Variants in PCCB observed in about 807,000 individuals in gnomAD.
PCCB encodes propionyl-CoA carboxylase subunit beta.
A neutral mutation model predicts 60.7 loss-of-function variants in PCCB; 43 were observed. The observed-to-expected ratio is 0.71, with a 90% CI of 0.55 to 0.91. PCCB has a LOEUF of 0.91. Ranked by LOEUF, PCCB falls within the 40% of genes least tolerant of loss-of-function variation. PCCB has a pLI of 0.00. For missense variants in PCCB, 766 were observed against 702.8 expected (o/e 1.09, Z -1.02); for synonymous variants, 276 against 255.9 (o/e 1.08, Z -0.75).
intron 5 of PCCB, among the ~76,000 whole-genome samples, chr3:136,281,173 C>G (rs2108177695): frequency 6.6e-6 from 1 of 151,936 alleles, no homozygotes; most frequent in African/African-American, 2.4e-5. Context: ...TGTCTTTCAT[C>G]AAATGTGGGA....
At chr3:136,265,258 A>G (rs973796870) in intron 5 of PCCB, among the ~76,000 whole-genome samples, 2 of 152,242 alleles carry the variant, frequency 1.3e-5, no homozygotes, top group African/African-American at 4.8e-5. Context: ...TTGTGAAAAT[A>G]TAATTCAGTA....
chr3:136,293,151 G>A (rs1933775060), intron 6 of PCCB, among the ~76,000 whole-genome samples: 1 of 152,116 alleles, frequency 6.6e-6, no homozygotes, highest in Non-Finnish European at 1.5e-5. Context: ...ACAGGCACAT[G>A]CCACCAGGCC....
At chr3:136,301,301 C>T (rs1362064181) in intron 9 of PCCB, among the ~76,000 whole-genome samples, 190 bp downstream of exon 9, 2 of 152,036 alleles carry the variant, frequency 1.3e-5, no homozygotes, top group Non-Finnish European at 2.9e-5. Flanking sequence ...CTATAGATAC[C>T]CTAGTGGCAC....
chr3:136,279,719 G>A (rs2108175432), intron 5 of PCCB, among the ~76,000 whole-genome samples: 1 of 152,172 alleles, frequency 6.6e-6, no homozygotes, highest in African/African-American at 2.4e-5. Flanking sequence ...CCAGGCTGGA[G>A]TGCAGTGGCG....
intron 9 of PCCB, among the ~76,000 whole-genome samples, chr3:136,312,316 C>A (rs185472450): frequency 6.6e-6 from 1 of 152,186 alleles, no homozygotes; most frequent in Non-Finnish European, 1.5e-5. Context: ...ACCTGTATAG[C>A]ACGTTACTGT....
intron 9 of PCCB, among the ~76,000 whole-genome samples, chr3:136,308,178 T>G (rs2108215665): frequency 6.6e-6 from 1 of 151,814 alleles, no homozygotes; most frequent in East Asian, 1.9e-4. Flanking sequence ...CAGCAGTATT[T>G]GTGACACTAA....
At position 136,329,967 on chromosome 3, in the gene PCCB, G is replaced by A; in HGVS notation, c.1561G>A (p.Val521Ile). ...TRARICCDLD[V>I]LASKKVQRPW... ...TGCCCGAATCTGCTGTGACCTGGAT[G>A]TCTTGGCCAGCAAGAAGGTACAACG... Residue 521 changes from valine (V) to isoleucine (I), a missense_variant, in exon 15 of 15, where the codon GTC becomes ATC. By Grantham distance (29) the Val-to-Ile change is conservative. Coordinates refer to ENST00000251654, the MANE Select transcript of PCCB (RefSeq NM_000532.5). 1 of 1,614,140 alleles carries A rather than the reference G, an allele frequency of 6.2e-7. No individual in the cohort carries two copies. Among genetic ancestry groups the A allele is most frequent in the South Asian group, 1.1e-5 (1 of 91,086 alleles).
chr3:136,326,674 T>C lies in PCCB; in HGVS notation c.1091-129T>C, dbSNP rs1396299626. ...GGAGTTTGAGGGGTCCTTGTTACCA[T>C]TCTGCAACAAAGAAGTGTTGGTGCC... On this transcript the variant is annotated intron_variant, in intron 10 of 14. Transcript: ENST00000251654. The C allele has an allele frequency of 5.2e-6, 4 of 762,972 alleles. No homozygotes were observed. The Admixed American group carries it at 5.4e-5, about 10-fold the overall frequency. 47.3% of individuals were successfully genotyped at this position (762,972 alleles called of 1,614,324 possible).
Position 136,305,039 on chromosome 3 carries a change from C to T in PCCB, c.966+3928C>T, listed in dbSNP as rs1038092522. ...TTCCAGTCCTAACAGATTAGGGTCCCCCTCTTATGGCCCCGTTTAACTTTA... is the reference window on the plus strand; with the variant it reads ...TTCCAGTCCTAACAGATTAGGGTCCTCCTCTTATGGCCCCGTTTAACTTTA... On this transcript the variant is annotated intron_variant, in intron 9 of 14. Transcript: ENST00000251654. Among the ~76,000 whole-genome samples, 13 of 121,114 alleles carry T rather than the reference C, an allele frequency of 1.1e-4. 1 individual carries two copies. Among genetic ancestry groups the T allele is most frequent in the African/African-American group, 3.3e-4 (13 of 39,882 alleles). 79.5% of individuals were successfully genotyped at this position (121,114 alleles called of 152,430 possible). A position where few individuals can be genotyped will look rare whatever the true frequency, so the allele number is the denominator to read the frequency against.
At position 136,327,714 on chromosome 3, in the gene PCCB, T is replaced by C; in HGVS notation, c.1380T>C (p.Ile460=). The C allele has an allele frequency of 6.2e-7, 1 of 1,613,728 alleles. No homozygotes were observed. The highest frequency in any genetic ancestry group is 8.5e-7 in the Non-Finnish European group (1 of 1,179,816). ...ACTATGCCTGGCCCACCGCAGAGAT[T>C]GCAGTCATGGGAGCAAAGGTGAGGG... ...DTNYAWPTAE[I]AVMGAKGAVE... Residue 460 remains isoleucine (I), a synonymous_variant, in exon 13 of 15, where the codon ATT becomes ATC. Transcript: ENST00000251654.
At chr3:136,283,128 C>G (rs1165129437) in intron 5 of PCCB, among the ~76,000 whole-genome samples, 1 of 152,202 alleles carries the variant, frequency 6.6e-6, no homozygotes, top group Non-Finnish European at 1.5e-5. Flanking sequence ...AGTGAACCTA[C>G]TTTTCCTAAG....
intron 10 of PCCB, among the ~76,000 whole-genome samples, chr3:136,320,644 A>G (rs1935076862): frequency 6.6e-6 from 1 of 152,128 alleles, no homozygotes; most frequent in African/African-American, 2.4e-5. Flanking sequence ...GACATGGGGT[A>G]TTTTCACCTT....
chr3:136,329,237 G>C (rs572032052), intron 14 of PCCB, among the ~76,000 whole-genome samples: 1 of 152,122 alleles, frequency 6.6e-6, no homozygotes, highest in Non-Finnish European at 1.5e-5. Flanking sequence ...TCTTGCCTGG[G>C]ATCACCCACA....
chr3:136,274,812 C>T (rs1344697943), intron 5 of PCCB, among the ~76,000 whole-genome samples: 1 of 151,288 alleles, frequency 6.6e-6, no homozygotes, highest in African/African-American at 2.4e-5. Context: ...AAGCTTTGTT[C>T]ATTTCTTCTT....
In PCCB at chr3:136,328,775, C is replaced by T. The variant is rs761827760; in HGVS notation, c.1416C>T (p.Ile472=). 1.9e-6 allele frequency: 3 copies of T among 1,614,032 alleles called. No homozygotes were observed. Among genetic ancestry groups the T allele is most frequent in the Admixed American group, 1.7e-5 (1 of 60,030 alleles). Residue 472 remains isoleucine, a synonymous_variant, in exon 14 of 15, where the codon ATC becomes ATT. Coordinates refer to ENST00000251654, the MANE Select transcript of PCCB (RefSeq NM_000532.5). ...VMGAKGAVEI[I]FKGHENVEAA... ...AATCACAGGGCGCTGTGGAGATCAT[C>T]TTCAAAGGGCATGAGAATGTGGAAG...
chr3:136,254,870 CAAA>C (rs1368675674), intron 1 of PCCB, among the ~76,000 whole-genome samples: 1 of 150,164 alleles, frequency 6.7e-6, no homozygotes, highest in Non-Finnish European at 1.5e-5. Context: ...CTCATCTCCT[CAAA>C]GAAGCTTTTT....
intron 10 of PCCB, among the ~76,000 whole-genome samples, chr3:136,326,064 G>A (rs546419795): frequency 2.0e-5 from 3 of 152,168 alleles, no homozygotes; most frequent in Non-Finnish European, 2.9e-5. Flanking sequence ...TGCCCGCCTC[G>A]GCCTCCCAAA....
chr3:136,323,032 C>G (rs1324558245), intron 10 of PCCB, among the ~76,000 whole-genome samples: 2 of 118,630 alleles, frequency 1.7e-5, no homozygotes, highest in Non-Finnish European at 3.6e-5. Context: ...TTTTAAGATT[C>G]TCTTTTGTCT....
At chr3:136,311,884 AGTT>A (rs1172975897) in intron 9 of PCCB, among the ~76,000 whole-genome samples, 4 of 152,206 alleles carry the variant, frequency 2.6e-5, no homozygotes, top group Non-Finnish European at 5.9e-5. Flanking sequence ...GTGATTCTTA[AGTT>A]GTTCTATAAA....
Sources: allele counts gnomAD v4.1 joint callset (sites outside exome capture counted in the v4.1 genomes callset), GRCh38; gene constraint gnomAD v4.1.1; transcripts MANE v1.5; gene names NCBI Gene and HGNC (gene_info 2026-07-23, HGNC 2026-07-21).